The following MYO18B variants were observed in gnomAD, a reference collection of about 807,000 sequenced individuals.
MYO18B encodes unconventional myosin-XVIIIb.
A neutral mutation model predicts 273.0 loss-of-function variants in MYO18B; 204 were observed. The observed-to-expected ratio is 0.75, with a 90% CI of 0.67 to 0.84. The LOEUF (loss-of-function observed/expected upper bound fraction) is 0.84, where lower values mean the gene tolerates loss of function less well. Ranked by LOEUF, MYO18B falls within the 40% of genes least tolerant of loss-of-function variation. The pLI is 0.00. For missense variants in MYO18B, 3,212 were observed against 3,287.6 expected (o/e 0.98, Z 0.56); for synonymous variants, 1,330 against 1,305.7 (o/e 1.02, Z -0.40).
At chr22:25,914,477 A>G (rs961949976) in intron 33 of MYO18B, among the ~76,000 whole-genome samples, 2 of 152,084 alleles carry the variant, frequency 1.3e-5, no homozygotes, top group East Asian at 1.9e-4. Flanking sequence ...TGTAGTTTCT[A>G]TGGCTATTAT....
chr22:25,923,815 T>TC (rs1260487484), intron 34 of MYO18B, among the ~76,000 whole-genome samples: 1 of 152,064 alleles, frequency 6.6e-6, no homozygotes, highest in South Asian at 2.1e-4. Flanking sequence ...AAGCTTCCCT[T>TC]CCCCCAACAG....
intron 40 of MYO18B, among the ~76,000 whole-genome samples, chr22:25,998,823 T>C (rs1933623593): frequency 6.6e-6 from 1 of 152,150 alleles, no homozygotes; most frequent in African/African-American, 2.4e-5. Context: ...TCTGAGAAGG[T>C]TGATGCTGCA....
intron 3 of MYO18B, among the ~76,000 whole-genome samples, chr22:25,765,533 A>G (rs944232139): frequency 2.0e-5 from 3 of 152,164 alleles, no homozygotes; most frequent in African/African-American, 7.2e-5. Context: ...ATTGAATGTC[A>G]AGGAGACCTA....
intron 1 of MYO18B, among the ~76,000 whole-genome samples, chr22:25,752,972 G>C (rs1346963156): frequency 1.3e-5 from 2 of 152,210 alleles, no homozygotes; most frequent in African/African-American, 2.4e-5. Flanking sequence ...GGTGCGCTGG[G>C]TCCCCCAGCA....
chr22:26,021,261 T>C (rs1935791330), intron 42 of MYO18B, among the ~76,000 whole-genome samples: 1 of 152,220 alleles, frequency 6.6e-6, no homozygotes, highest in Non-Finnish European at 1.5e-5. Flanking sequence ...TAAACTTCTA[T>C]AACTTGAAGC....
At chr22:26,012,748 A>G (rs1267948281) in intron 42 of MYO18B, among the ~76,000 whole-genome samples, 1 of 152,194 alleles carries the variant, frequency 6.6e-6, no homozygotes, top group Admixed American at 6.5e-5. Flanking sequence ...GTAGAAAACT[A>G]TTTGGATACA....
At chr22:25,812,953 C>T (rs1198150775) in intron 12 of MYO18B, among the ~76,000 whole-genome samples, 1 of 151,776 alleles carries the variant, frequency 6.6e-6, no homozygotes, top group Non-Finnish European at 1.5e-5. Context: ...TCCCTCCTTC[C>T]CTCCTTTCTC....
intron 35 of MYO18B, among the ~76,000 whole-genome samples, 169 bp from the exon 36 acceptor site, chr22:25,947,543 C>CACACACACACACACA (rs60582589): frequency 9.7e-5 from 14 of 144,802 alleles, no homozygotes; most frequent in Non-Finnish European, 1.1e-4. Flanking sequence ...CACACACACA[C>CACACACACACACACA]CAAGCTGTTA....
chr22:25,971,667 A>G (rs2093036889), intron 39 of MYO18B, among the ~76,000 whole-genome samples: 1 of 152,166 alleles, frequency 6.6e-6, no homozygotes. Flanking sequence ...TGTTCAGACT[A>G]TTTCGTTTCC....
chr22:25,871,050 A>G (rs544815951), intron 22 of MYO18B, among the ~76,000 whole-genome samples: 7 of 152,220 alleles, frequency 4.6e-5, no homozygotes, highest in Non-Finnish European at 7.3e-5. Context: ...ATCAAGGTCA[A>G]TGTGTCCTTT....
chr22:25,857,812 C>G (rs1208399297), intron 21 of MYO18B, among the ~76,000 whole-genome samples: 1 of 152,186 alleles, frequency 6.6e-6, no homozygotes, highest in African/African-American at 2.4e-5. Flanking sequence ...CGCCACCACG[C>G]CAGGCTAATT....
intron 12 of MYO18B, among the ~76,000 whole-genome samples, chr22:25,818,053 G>A (rs2089114912): frequency 6.6e-6 from 1 of 152,298 alleles, no homozygotes; most frequent in South Asian, 2.1e-4. Flanking sequence ...ACAACCAAAA[G>A]CACAGACCAG....
Position 25,777,753 on chromosome 22 carries a change from G to A in MYO18B, c.2040G>A (p.Met680Ile). ...AGGTCCTGGAACACCTGGTGGGGAT[G>A]GCAGGCAGTGTGGATGGCAGGGTCT... ...CEQVLEHLVG[M>I]AGSVDGRVSV... Residue 680 changes from methionine to isoleucine, a missense_variant, in exon 8 of 44, where the codon ATG (methionine) becomes ATA (isoleucine). Coordinates refer to ENST00000335473, the MANE Select transcript of MYO18B (RefSeq NM_032608.7). 1.9e-6 allele frequency: 3 copies of A among 1,605,976 alleles called. No homozygotes were observed. The highest frequency in any genetic ancestry group is 2.6e-6 in the Non-Finnish European group (3 of 1,176,046).
chr22:25,890,057 AAGCAGCTT>A (rs757312879), intron 25 of MYO18B, among the ~76,000 whole-genome samples: 2 of 152,242 alleles, frequency 1.3e-5, no homozygotes, highest in Non-Finnish European at 2.9e-5. Flanking sequence ...GCATTTTAAA[AAGCAGCTT>A]ACCTTTATTA....
intron 41 of MYO18B, among the ~76,000 whole-genome samples, chr22:26,004,373 A>G (rs1304752545): frequency 6.6e-6 from 1 of 152,182 alleles, no homozygotes; most frequent in African/African-American, 2.4e-5. Context: ...TTACTCCTAA[A>G]TTGGAGAGAC....
At chr22:25,926,520 C>T (rs898305415) in intron 34 of MYO18B, among the ~76,000 whole-genome samples, 3 of 152,082 alleles carry the variant, frequency 2.0e-5, no homozygotes, top group Non-Finnish European at 4.4e-5. Context: ...GTCTCTAACT[C>T]CTGGCCTCAA....
intron 17 of MYO18B, among the ~76,000 whole-genome samples, chr22:25,840,314 C>T (rs1194647606): frequency 2.0e-5 from 3 of 152,272 alleles, no homozygotes; most frequent in Non-Finnish European, 2.9e-5. Context: ...CACCTCTGGG[C>T]CCTGGCTTCA....
intron 43 of MYO18B, chr22:26,028,524 G>A (rs1485123048): frequency 6.6e-6 from 1 of 152,168 alleles, no homozygotes; most frequent in Non-Finnish European, 1.5e-5. Context: ...GAGCAACAAT[G>A]CAGGATAAGT....
intron 17 of MYO18B, among the ~76,000 whole-genome samples, chr22:25,837,312 A>G (rs2089935739): frequency 6.6e-6 from 1 of 152,156 alleles, no homozygotes; most frequent in African/African-American, 2.4e-5. Flanking sequence ...TGTCAGGGAC[A>G]AGGCAAAAAA....
Sources: gnomAD v4.1 joint callset for allele counts (sites outside exome capture counted in the v4.1 genomes callset) on GRCh38, gnomAD v4.1.1 for gene constraint, MANE v1.5 for transcripts, NCBI Gene and HGNC (gene_info 2026-07-23, HGNC 2026-07-21) for gene names.